Variants in TBC1D2B observed in about 807,000 individuals in gnomAD.
The protein encoded by TBC1D2B is TBC1 domain family member 2B.
In TBC1D2B, 64 loss-of-function variants were observed where a neutral mutation model predicts 100.8. That is an observed-to-expected ratio of 0.64 (90% CI 0.52 to 0.78). TBC1D2B has a LOEUF of 0.78. TBC1D2B is among the 30% of genes least tolerant of loss of function. The probability of loss-of-function intolerance (pLI) is 0.00; values close to 1 mark genes in which losing one functional copy is unlikely to be tolerated. For synonymous variants in TBC1D2B, 480 were observed against 479.7 expected, an observed-to-expected ratio of 1.00 and a Z score of -0.01; for missense variants, 1,052 against 1,218.4, an observed-to-expected ratio of 0.86 and a Z score of 2.03.
At chr15:78,035,638 A>G (rs2072926672) in intron 3 of TBC1D2B, among the ~76,000 whole-genome samples, 1 of 152,264 alleles carries the variant, frequency 6.6e-6, no homozygotes, top group Non-Finnish European at 1.5e-5. Flanking sequence ...GACTGGCAAC[A>G]GCCATCTCAA....
chr15:78,040,419 C>T (rs1051266529), intron 3 of TBC1D2B, among the ~76,000 whole-genome samples: 4 of 152,012 alleles, frequency 2.6e-5, no homozygotes, highest in Admixed American at 6.6e-5. Flanking sequence ...CATGGTGACA[C>T]GTGCCTAAAT....
chr15:78,057,197 T>C (rs896340954), intron 1 of TBC1D2B, among the ~76,000 whole-genome samples: 7 of 152,214 alleles, frequency 4.6e-5, no homozygotes, highest in African/African-American at 1.7e-4. Context: ...CATCTCTCAC[T>C]AAATTCCTGA....
chr15:78,052,518 T>C (rs993777263), intron 2 of TBC1D2B, among the ~76,000 whole-genome samples: 7 of 152,256 alleles, frequency 4.6e-5, no homozygotes, highest in Middle Eastern at 3.4e-3. Flanking sequence ...GAGAAACAAA[T>C]ATGGGCTTCA....
At chr15:78,052,863 T>C (rs754090244) in intron 2 of TBC1D2B, among the ~76,000 whole-genome samples, 9 of 152,106 alleles carry the variant, frequency 5.9e-5, no homozygotes, top group Non-Finnish European at 1.0e-4. Flanking sequence ...CAGTTAACAG[T>C]GACTCGACTC....
intron 8 of TBC1D2B, among the ~76,000 whole-genome samples, chr15:78,014,083 C>T (rs942721641): frequency 6.6e-6 from 1 of 152,150 alleles, no homozygotes; most frequent in Admixed American, 6.5e-5. Flanking sequence ...AGCTGACAGC[C>T]AGCAAGGAAA....
intron 6 of TBC1D2B, among the ~76,000 whole-genome samples, chr15:78,020,974 T>C (rs1299560320): frequency 6.6e-6 from 1 of 152,148 alleles, no homozygotes; most frequent in African/African-American, 2.4e-5. Flanking sequence ...ATGGAAGTGC[T>C]GGGGCCACAG....
chr15:78,025,017 C>T (rs527818602), intron 5 of TBC1D2B, among the ~76,000 whole-genome samples: 1 of 152,176 alleles, frequency 6.6e-6, no homozygotes, highest in East Asian at 1.9e-4. Flanking sequence ...CAGCAACCTC[C>T]TCTGTCCTCC....
chr15:78,029,202 G>A (rs1305492862), intron 4 of TBC1D2B, among the ~76,000 whole-genome samples: 2 of 151,754 alleles, frequency 1.3e-5, no homozygotes, highest in South Asian at 2.1e-4. Context: ...GACTACAGGC[G>A]CCCCCCACCA....
At chr15:78,017,467 C>G (rs1006742509) in intron 7 of TBC1D2B, among the ~76,000 whole-genome samples, 1 of 152,120 alleles carries the variant, frequency 6.6e-6, no homozygotes, top group Non-Finnish European at 1.5e-5. Flanking sequence ...ATTTAGGTGA[C>G]CTTATAATTA....
At chr15:78,026,934 C>G (rs1196754969) in intron 4 of TBC1D2B, among the ~76,000 whole-genome samples, 1 of 151,180 alleles carries the variant, frequency 6.6e-6, no homozygotes, top group East Asian at 1.9e-4. Context: ...TCGGGAATAC[C>G]GTCAGGCCAG....
chr15:78,010,454 C>T (rs1370943438), intron 9 of TBC1D2B, among the ~76,000 whole-genome samples: 1 of 152,084 alleles, frequency 6.6e-6, no homozygotes, highest in East Asian at 1.9e-4. Context: ...GAAGCCATTT[C>T]TCAGAATATT....
chr15:78,003,248 G>A lies in TBC1D2B; in HGVS notation c.2574+57C>T, dbSNP rs140134991. 892 of 1,531,568 alleles carry A rather than the reference G, an allele frequency of 5.8e-4. 8 individuals carry two copies. The East Asian group carries it at 8.3e-3, about 14-fold the overall frequency. The allele number at this position is 1,531,568 out of a possible 1,614,324, so 94.9% of individuals were successfully genotyped here. On this transcript the variant is annotated intron_variant, in intron 11 of 12. Coordinates refer to ENST00000300584, the MANE Select transcript of TBC1D2B (RefSeq NM_144572.2). ...AGCCAGCCGCTCTACCGCCACCAACGCTGCTGACGGTTGTCAAGTGTGTAT... is the reference window on the plus strand; with the variant it reads ...AGCCAGCCGCTCTACCGCCACCAACACTGCTGACGGTTGTCAAGTGTGTAT...
chr15:78,047,552 T>C (rs1189069299), intron 2 of TBC1D2B, among the ~76,000 whole-genome samples: 1 of 152,144 alleles, frequency 6.6e-6, no homozygotes, highest in East Asian at 1.9e-4. Context: ...CTCAGCTTCA[T>C]CCTCAGCAGT....
At chr15:78,070,485 T>C (rs1486647664) in intron 1 of TBC1D2B, among the ~76,000 whole-genome samples, 1 of 152,246 alleles carries the variant, frequency 6.6e-6, no homozygotes, top group Non-Finnish European at 1.5e-5. Context: ...CAGGGACTGT[T>C]TGTCTTGTCC....
intron 3 of TBC1D2B, among the ~76,000 whole-genome samples, chr15:78,039,751 T>TACACACACACACACAC (rs3972618): frequency 6.8e-6 from 1 of 147,992 alleles, no homozygotes; most frequent in African/African-American, 2.5e-5. Flanking sequence ...AGAGGCTTAC[T>TACACACACACACACAC]ACACACACAC....
chr15:78,020,501 T>C (rs967449642), intron 6 of TBC1D2B, among the ~76,000 whole-genome samples: 1 of 152,220 alleles, frequency 6.6e-6, no homozygotes, highest in African/African-American at 2.4e-5. Flanking sequence ...GGGCTTTACA[T>C]GGATTACCGC....
Position 78,077,581 on chromosome 15 carries a change from C to T in TBC1D2B, c.72G>A (p.Ala24=), listed in dbSNP as rs1308008311. ...GGEGAAQGAA[A]EPGAGPAREP... is the part of the protein sequence containing the mutation. ...CCCGCGCCGGACCCGCCCCGGGCTC[C>T]GCGGCCGCCCCCTGCGCCGCGCCCT... The change falls in exon 1 of 13, where the codon GCG becomes GCA. Residue 24 remains alanine, a synonymous_variant. Transcript: ENST00000300584. 7.5e-7 allele frequency: 1 copy of T among 1,340,674 alleles called. No homozygotes were observed. Among genetic ancestry groups the T allele is most frequent in the Non-Finnish European group, 9.6e-7 (1 of 1,039,938 alleles). The allele number at this position is 1,340,674 out of a possible 1,614,324, so 83.0% of individuals were successfully genotyped here.
chr15:78,066,454 G>A lies in TBC1D2B; in HGVS notation c.360+10839C>T, dbSNP rs139466377. On this transcript the variant is annotated intron_variant, in intron 1 of 12. Transcript: ENST00000300584. ...TTTCACAGGGAAGCCACAGAGATCT[G>A]CAGCAGAAGGGCTGGGATGCTGGAA... Among the ~76,000 whole-genome samples, 40 of 152,280 alleles carry A rather than the reference G, an allele frequency of 2.6e-4. No homozygotes were observed. In the South Asian group the frequency reaches 4.3e-3, roughly 17 times the overall value.
At chr15:78,068,421 A>ACACACACACAC (rs2073696154) in intron 1 of TBC1D2B, among the ~76,000 whole-genome samples, 1 of 151,520 alleles carries the variant, frequency 6.6e-6, no homozygotes, top group Non-Finnish European at 1.5e-5. Context: ...ACACACACAC[A>ACACACACACAC]GAGGATATGA....
Sources: gnomAD v4.1 joint callset for allele counts (sites outside exome capture counted in the v4.1 genomes callset) on GRCh38, gnomAD v4.1.1 for gene constraint, MANE v1.5 for transcripts, NCBI Gene and HGNC (gene_info 2026-07-23, HGNC 2026-07-21) for gene names.